The following MGAT5B variants were observed in gnomAD, a reference collection of about 807,000 sequenced individuals.
MGAT5B encodes N-acetylglucosaminyl-transferase Vb.
MGAT5B carries 54 observed loss-of-function variants against 95.1 expected under a neutral mutation model. The observed-to-expected ratio is 0.57, with a 90% CI of 0.46 to 0.71. The LOEUF (loss-of-function observed/expected upper bound fraction) is 0.71, where lower values mean the gene tolerates loss of function less well. MGAT5B is among the 30% of genes least tolerant of loss of function. The probability of loss-of-function intolerance (pLI) is 0.00; values close to 1 mark genes in which losing one functional copy is unlikely to be tolerated. For missense variants in MGAT5B, 935 were observed against 1,088.6 expected (o/e 0.86, Z 1.99); for synonymous variants, 464 against 451.0 (o/e 1.03, Z -0.36).
intron 3 of MGAT5B, among the ~76,000 whole-genome samples, chr17:76,887,648 G>T (rs546190023): frequency 6.7e-6 from 1 of 150,154 alleles, no homozygotes; most frequent in Non-Finnish European, 1.5e-5. Context: ...CCGCCTCCAG[G>T]GTTCAAGCAA....
At chr17:76,872,643 C>G in intron 1 of MGAT5B, 1 of 1,461,698 alleles carries the variant, frequency 6.8e-7, no homozygotes, top group Non-Finnish European at 9.0e-7. Context: ...TCGTGTGGCT[C>G]GAGGCCAGCA....
intron 12 of MGAT5B, among the ~76,000 whole-genome samples, chr17:76,935,903 CAT>C (rs1567823022): frequency 2.6e-5 from 3 of 114,616 alleles, no homozygotes; most frequent in East Asian, 2.9e-4. Context: ...ATTATATATA[CAT>C]TATATATATT....
intron 3 of MGAT5B, among the ~76,000 whole-genome samples, chr17:76,891,814 G>A (rs1284696475): frequency 6.6e-6 from 1 of 152,176 alleles, no homozygotes; most frequent in Non-Finnish European, 1.5e-5. Context: ...ACAGACAAGG[G>A]AGCTGAGGCT....
At position 76,940,335 on chromosome 17, in the gene MGAT5B, C is replaced by T. The variant is rs1216109355; in HGVS notation, c.1585-67C>T. On this transcript the variant is annotated intron_variant, in intron 13 of 17. Transcript: ENST00000569840. The surrounding 1 kb of genome is among the most constrained non-coding windows in gnomAD (Gnocchi z 4.3). ...TCCCGAAGCCTCACCTTGTCCCCGG[C>T]ATCCTGGTGCTTACTGGGCTGTGGC... 2.7e-6 allele frequency: 4 copies of T among 1,487,548 alleles called. No individual in the cohort carries two copies. The highest frequency in any genetic ancestry group is 9.0e-7 in the Non-Finnish European group (1 of 1,116,882). 92.1% of individuals were successfully genotyped at this position (1,487,548 alleles called of 1,614,324 possible).
intron 17 of MGAT5B, among the ~76,000 whole-genome samples, chr17:76,948,364 G>A (rs765348895): frequency 2.6e-5 from 4 of 152,132 alleles, no homozygotes; most frequent in East Asian, 1.9e-4. Context: ...TGTGGGCATC[G>A]TCCTGTCCCA....
chr17:76,920,549 G>A (rs970966598), intron 8 of MGAT5B, among the ~76,000 whole-genome samples: 12 of 152,172 alleles, frequency 7.9e-5, no homozygotes, highest in African/African-American at 2.7e-4. Flanking sequence ...CTCTCCAGGG[G>A]GTGAGGCTCA....
Position 76,947,811 on chromosome 17 carries a change from A to G in MGAT5B, c.1924-19A>G. The G allele has an allele frequency of 1.3e-6, 2 of 1,527,456 alleles. No individual in the cohort carries two copies. Among genetic ancestry groups the G allele is most frequent in the Non-Finnish European group, 8.8e-7 (1 of 1,135,766 alleles). The allele number at this position is 1,527,456 out of a possible 1,614,324, so 94.6% of individuals were successfully genotyped here. Reference sequence around the variant, plus strand: ...CTGGGTCGCACTTCCCCACCCTGACACTGCTCTCCTCCTTGCAGGACTTCT... The same window carrying G: ...CTGGGTCGCACTTCCCCACCCTGACGCTGCTCTCCTCCTTGCAGGACTTCT... On this transcript the variant is annotated intron_variant, in intron 16 of 17. Transcript: ENST00000569840.
Position 76,937,979 on chromosome 17 carries a change from T to C in MGAT5B, c.1429-9T>C, listed in dbSNP as rs986452543. 1.2e-6 allele frequency: 2 copies of C among 1,611,526 alleles called. No individual in the cohort carries two copies. Among genetic ancestry groups the C allele is most frequent in the Non-Finnish European group, 1.7e-6 (2 of 1,177,784 alleles). On this transcript the variant is annotated splice_polypyrimidine_tract_variant and intron_variant, in intron 12 of 17. Coordinates refer to ENST00000569840, the MANE Select transcript of MGAT5B (RefSeq NM_001199172.2). ...ATGTGGTTCCCATCTCCTCCTCTTC[T>C]TTTTCCAGGGGAAGGAGAAGTTCCT... is the stretch of plus-strand genomic sequence containing the variant.
chr17:76,879,215 A>G (rs1175619849), intron 2 of MGAT5B, among the ~76,000 whole-genome samples: 1 of 152,164 alleles, frequency 6.6e-6, no homozygotes, highest in Non-Finnish European at 1.5e-5. Flanking sequence ...GCAGGGGCAG[A>G]GGAAGCTTGG....
intron 12 of MGAT5B, among the ~76,000 whole-genome samples, chr17:76,937,419 T>G (rs938268165): frequency 6.6e-6 from 1 of 151,116 alleles, no homozygotes; most frequent in African/African-American, 2.4e-5. Flanking sequence ...GGTGGGTGGA[T>G]GAGTGGATGG....
At chr17:76,920,134 CTTCCCAAGCACTGGCTG>C (rs1165112904) in intron 8 of MGAT5B, among the ~76,000 whole-genome samples, 2 of 152,224 alleles carry the variant, frequency 1.3e-5, no homozygotes, top group African/African-American at 4.8e-5. Flanking sequence ...CTTCCCCGTC[CTTCCCAAGCACTGGCTG>C]TTGGCAGTGG....
intron 3 of MGAT5B, 47 bp from the exon 4 acceptor site, chr17:76,902,508 G>A (rs16969485): frequency 0.081 from 116,890 of 1,442,200 alleles, 5,559 homozygotes; most frequent in African/African-American, 0.17. Flanking sequence ...TCATGGGAAG[G>A]TCACCCCGGC....
intron 3 of MGAT5B, among the ~76,000 whole-genome samples, chr17:76,899,677 AT>A (rs1260232854): frequency 6.6e-6 from 1 of 152,242 alleles, no homozygotes; most frequent in Non-Finnish European, 1.5e-5. Flanking sequence ...ATATAAAAAA[AT>A]ATTCATTCCT....
Position 76,914,644 on chromosome 17 carries a change from CTT to C in MGAT5B, c.1025+8469_1025+8470del, listed in dbSNP as rs55850824. Among the ~76,000 whole-genome samples, 41 of 146,144 alleles carry C rather than the reference CTT, an allele frequency of 2.8e-4. No homozygotes were observed. Among genetic ancestry groups the C allele is most frequent in the Non-Finnish European group, 3.2e-4 (21 of 66,566 alleles). ...CTCTGTGTCCACATTTCTTCTTCCT[CTT>C]TTTTTTTTTTTGAGACAGAGTCTTG... On this transcript the variant is annotated intron_variant, in intron 8 of 17. Coordinates refer to ENST00000569840, the MANE Select transcript of MGAT5B (RefSeq NM_001199172.2). The surrounding 1 kb of genome is among the most constrained non-coding windows in gnomAD (Gnocchi z 5.1).
chr17:76,927,659 C>T (rs182740597), intron 10 of MGAT5B, among the ~76,000 whole-genome samples: 8 of 152,236 alleles, frequency 5.3e-5, no homozygotes, highest in Admixed American at 2.6e-4. Context: ...CTCTGCCTCC[C>T]GGGCGCATGG....
At position 76,869,267 on chromosome 17, in the gene MGAT5B, G is replaced by A. The variant is rs1966906019; in HGVS notation, c.68+170G>A. 6.6e-6 allele frequency among the ~76,000 whole-genome samples: 1 copy of A among 152,022 alleles called. No homozygotes were observed. Among genetic ancestry groups the A allele is most frequent in the Non-Finnish European group, 1.5e-5 (1 of 67,986 alleles). ...GGGGGAACGGATGGCGTTGGGGTTC[G>A]GGGTGCGGATGGGGAGGGTTGTGTT... On this transcript the variant is annotated intron_variant, in intron 1 of 17. Coordinates refer to ENST00000569840, the MANE Select transcript of MGAT5B (RefSeq NM_001199172.2). This position sits in a 1 kb window ranked among gnomAD's most constrained non-coding sequence, Gnocchi z 7.0.
chr17:76,948,559 C>T, intron 17 of MGAT5B, 81 bp from the exon 18 acceptor site: 1 of 1,389,204 alleles, frequency 7.2e-7, no homozygotes, highest in South Asian at 1.3e-5. Flanking sequence ...CAGGACTAGG[C>T]TGGGGGCAGC....
Position 76,932,707 on chromosome 17 carries a change from C to A in MGAT5B, c.1354C>A (p.Arg452=), listed in dbSNP as rs779412692. 6 of 1,613,870 alleles carry A rather than the reference C, an allele frequency of 3.7e-6. No individual in the cohort carries two copies. In the African/African-American group the frequency reaches 8.0e-5, roughly 22 times the overall value. Residue 452 remains arginine, a synonymous_variant, in exon 11 of 18, where the codon CGG becomes AGG. Transcript: ENST00000569840. ...VSEELNETEK[R]LIKGGKASNM... ...CGAGGAGCTCAACGAGACGGAGAAG[C>A]GGCTCATCAAAGGCGGCAAGGCCAG...
chr17:76,927,660 G>A (rs1239407133), intron 10 of MGAT5B, among the ~76,000 whole-genome samples: 7 of 152,218 alleles, frequency 4.6e-5, no homozygotes, highest in East Asian at 1.9e-4. Context: ...TCTGCCTCCC[G>A]GGCGCATGGG....
Sources: allele counts gnomAD v4.1 joint callset (sites outside exome capture counted in the v4.1 genomes callset), GRCh38; gene constraint gnomAD v4.1.1; non-coding constraint Gnocchi (gnomAD v3.1); transcripts MANE v1.5; gene names NCBI Gene and HGNC (gene_info 2026-07-23, HGNC 2026-07-21).